The following SLC25A13 variants were observed in gnomAD, a reference collection of about 807,000 sequenced individuals.
SLC25A13 encodes solute carrier family 25 member 13.
SLC25A13 carries 70 observed loss-of-function variants against 85.5 expected under a neutral mutation model. The ratio of observed to expected loss-of-function variants is 0.82; its 90% CI spans 0.68 to 1.00. SLC25A13 has a LOEUF of 1.00. Ranked by LOEUF, SLC25A13 falls within the 50% of genes least tolerant of loss-of-function variation. The probability of loss-of-function intolerance (pLI) is 0.00; values close to 1 mark genes in which losing one functional copy is unlikely to be tolerated. For missense variants in SLC25A13, 765 were observed against 819.8 expected, an observed-to-expected ratio of 0.93 and a Z score of 0.82; for synonymous variants, 259 against 288.7, an observed-to-expected ratio of 0.90 and a Z score of 1.04.
Position 96,322,073 on chromosome 7 carries a change from A to AT in SLC25A13, c.-118_-117insA. 7.2e-7 allele frequency: 1 copy of AT among 1,396,946 alleles called. No homozygotes were observed. 86.5% of individuals were successfully genotyped at this position (1,396,946 alleles called of 1,614,324 possible). A position where few individuals can be genotyped will look rare whatever the true frequency, so the allele number is the denominator to read the frequency against. Reference sequence around the variant, plus strand: ...CGGCGGTGGGGGCGGCGATACGGCCAGGCAGCGTGCGTTCCTGGCCTGCCT... The same window carrying AT: ...CGGCGGTGGGGGCGGCGATACGGCCATGGCAGCGTGCGTTCCTGGCCTGCCT... On this transcript the variant is annotated 5_prime_UTR_variant, in exon 1 of 18. It adds an upstream start codon to the 5' untranslated region. Transcript: ENST00000265631.
intron 9 of SLC25A13, among the ~76,000 whole-genome samples, chr7:96,187,092 A>G (rs1794671194): frequency 6.6e-6 from 1 of 152,178 alleles, no homozygotes; most frequent in South Asian, 2.1e-4. Context: ...TTGATGCCAG[A>G]ACATTTCAGA....
At chr7:96,273,840 A>T (rs1275799028) in intron 3 of SLC25A13, among the ~76,000 whole-genome samples, 1 of 152,220 alleles carries the variant, frequency 6.6e-6, no homozygotes, top group African/African-American at 2.4e-5. Flanking sequence ...ACTTCCTCTG[A>T]AACATGAGCC....
At position 96,277,303 on chromosome 7, in the gene SLC25A13, C is replaced by T; in HGVS notation, c.105G>A (p.Met35Ile). 1 of 1,612,806 alleles carries T rather than the reference C, an allele frequency of 6.2e-7. No homozygotes were observed. Among genetic ancestry groups the T allele is most frequent in the Non-Finnish European group, 8.5e-7 (1 of 1,179,498 alleles). The change falls in exon 3 of 18, where the codon ATG becomes ATA. Residue 35 changes from methionine (M) to isoleucine (I), a missense_variant. Met to Ile is a conservative substitution (Grantham distance 10). Transcript: ENST00000265631. ...ATCGAGTGACAAAGTCATTGGGGGA[C>T]ATGAAAAATTCACCGTTTTTCTCAA... ...ASIEKNGEFF[M>I]SPNDFVTRYL...
At chr7:96,272,343 C>G (rs1423355332) in intron 3 of SLC25A13, among the ~76,000 whole-genome samples, 3 of 151,938 alleles carry the variant, frequency 2.0e-5, no homozygotes, top group Non-Finnish European at 4.4e-5. Context: ...AAGAAAAATC[C>G]TGTAATGTTA....
At chr7:96,227,688 C>T (rs1444502168) in intron 4 of SLC25A13, among the ~76,000 whole-genome samples, 1 of 152,150 alleles carries the variant, frequency 6.6e-6, no homozygotes, top group Admixed American at 6.6e-5. Context: ...TAAATGGTGC[C>T]AGGCAATCGA....
chr7:96,162,998 G>A (rs908361048), intron 13 of SLC25A13, among the ~76,000 whole-genome samples: 2 of 152,176 alleles, frequency 1.3e-5, no homozygotes, highest in Non-Finnish European at 2.9e-5. Context: ...GAGAAGGCAT[G>A]AGATGGGCTA....
intron 3 of SLC25A13, among the ~76,000 whole-genome samples, chr7:96,262,808 C>T (rs1377417534): frequency 6.6e-6 from 1 of 152,138 alleles, no homozygotes; most frequent in East Asian, 1.9e-4. Context: ...GGTCGAAATG[C>T]TAGTTCCACC....
intron 14 of SLC25A13, among the ~76,000 whole-genome samples, chr7:96,134,315 C>CATTG (rs916082832): frequency 1.3e-5 from 2 of 152,100 alleles, no homozygotes; most frequent in Non-Finnish European, 2.9e-5. Context: ...GGATTACAGG[C>CATTG]ATTGAGCCAC....
At chr7:96,292,888 C>T (rs1478326479) in intron 2 of SLC25A13, among the ~76,000 whole-genome samples, 1 of 152,174 alleles carries the variant, frequency 6.6e-6, no homozygotes, top group Non-Finnish European at 1.5e-5. Context: ...CCATCCCCAT[C>T]AAGCTACCAA....
At chr7:96,121,802 T>A (rs1456866434) in intron 16 of SLC25A13, 37 bp downstream of exon 16, 5 of 1,614,180 alleles carry the variant, frequency 3.1e-6, no homozygotes, top group Non-Finnish European at 4.2e-6. Context: ...ATTTACCTGA[T>A]ACCAAAGAGT....
chr7:96,180,568 A>T (rs1794382777), intron 11 of SLC25A13, among the ~76,000 whole-genome samples: 3 of 152,156 alleles, frequency 2.0e-5, no homozygotes, highest in Admixed American at 1.3e-4. Flanking sequence ...ACCTCAGGTG[A>T]TCCACCCGCC....
rs187263146 is a variant in SLC25A13, at chr7:96,143,253, G to T, written c.1452+3303C>A. ...TCATTCCATTCCTAAAGTATAATTT[G>T]TCCCCTCATTAACGCTCTGACAGCT... On this transcript the variant is annotated intron_variant, in intron 14 of 17. Coordinates refer to ENST00000265631, the MANE Select transcript of SLC25A13 (RefSeq NM_014251.3). Among the ~76,000 whole-genome samples, 378 of 152,218 alleles carry T rather than the reference G, an allele frequency of 2.5e-3. 1 individual carries two copies. The highest frequency in any genetic ancestry group is 8.8e-3 in the African/African-American group (364 of 41,536).
rs201168119 is a variant in SLC25A13 at position 96,121,912 on chromosome 7, G to A, written c.1677C>T (p.Tyr559=). ...TTCTAAAGCAGTCTATCACTCCGCT[G>A]TAAGTGGTTTGGCCAGCCCGGGCAG... ...QVAARAGQTT[Y]SGVIDCFRKI... is the part of the protein sequence containing the mutation. Residue 559 remains tyrosine, a synonymous_variant, in exon 16 of 18, where the codon TAC becomes TAT. Transcript: ENST00000265631. 2 of 1,614,002 alleles carry A rather than the reference G, an allele frequency of 1.2e-6. No homozygotes were observed. Among genetic ancestry groups the A allele is most frequent in the Admixed American group, 1.7e-5 (1 of 59,994 alleles).
chr7:96,156,674 A>G (rs543261780), intron 13 of SLC25A13, among the ~76,000 whole-genome samples: 1 of 152,040 alleles, frequency 6.6e-6, no homozygotes, highest in African/African-American at 2.4e-5. Context: ...GATGGTCTCA[A>G]TCTCCTAACC....
intron 3 of SLC25A13, among the ~76,000 whole-genome samples, chr7:96,257,186 A>G (rs1484158868): frequency 2.0e-5 from 3 of 152,206 alleles, no homozygotes; most frequent in Admixed American, 6.5e-5. Flanking sequence ...TTCGAAAGCT[A>G]GCAGAAGACA....
chr7:96,146,530 A>G (rs1316657253), intron 14 of SLC25A13, 26 bp downstream of exon 14: 1 of 1,607,854 alleles, frequency 6.2e-7, no homozygotes, highest in Non-Finnish European at 8.5e-7. Flanking sequence ...TAATCAAATA[A>G]ATGACTAAAA....
chr7:96,229,472 C>A (rs1054892007), intron 4 of SLC25A13, among the ~76,000 whole-genome samples: 4 of 152,220 alleles, frequency 2.6e-5, no homozygotes, highest in East Asian at 1.9e-4. Context: ...GCAGGCTGCC[C>A]GAACCAGCAG....
chr7:96,247,763 A>G (rs1468424461), intron 3 of SLC25A13, among the ~76,000 whole-genome samples: 5 of 152,176 alleles, frequency 3.3e-5, no homozygotes, highest in Non-Finnish European at 7.4e-5. Flanking sequence ...ACAATGTGTT[A>G]TTTTTATATA....
At chr7:96,254,818 T>C (rs1368094109) in intron 3 of SLC25A13, among the ~76,000 whole-genome samples, 1 of 151,898 alleles carries the variant, frequency 6.6e-6, no homozygotes, top group Non-Finnish European at 1.5e-5. Context: ...AAAAAACTAA[T>C]ACAAAAAAGA....
Sources: allele counts gnomAD v4.1 joint callset (sites outside exome capture counted in the v4.1 genomes callset), GRCh38; gene constraint gnomAD v4.1.1; transcripts MANE v1.5; gene names NCBI Gene and HGNC (gene_info 2026-07-23, HGNC 2026-07-21).